Variants in ZDHHC2 observed in about 807,000 individuals in gnomAD.
ZDHHC2 encodes zDHHC palmitoyltransferase 2, also known as palmitoyltransferase ZDHHC2.
Under a neutral mutation model 55.6 loss-of-function variants are expected in ZDHHC2, and 51 were observed. That is an observed-to-expected ratio of 0.92 (90% CI 0.73 to 1.16). The LOEUF is 1.16. Among genes scored for constraint, ZDHHC2 ranks in the 50% most tolerant of loss-of-function variants. The pLI is 0.00. For missense variants in ZDHHC2, 491 were observed against 442.4 expected, an observed-to-expected ratio of 1.11 and a Z score of -0.99; for synonymous variants, 199 against 152.9, an observed-to-expected ratio of 1.30 and a Z score of -2.22.
intron 3 of ZDHHC2, among the ~76,000 whole-genome samples, chr8:17,188,220 C>G (rs970269326): frequency 3.3e-5 from 5 of 152,300 alleles, no homozygotes; most frequent in African/African-American, 1.2e-4. Flanking sequence ...GCCTGGCCTA[C>G]CTTTCCTTCC....
At chr8:17,171,409 C>T (rs1168050695) in intron 1 of ZDHHC2, among the ~76,000 whole-genome samples, 1 of 152,184 alleles carries the variant, frequency 6.6e-6, no homozygotes, top group Non-Finnish European at 1.5e-5. Flanking sequence ...TATTTATCTA[C>T]ATTGCTTAGT....
At chr8:17,202,522 G>A (rs1053899951) in intron 6 of ZDHHC2, among the ~76,000 whole-genome samples, 2 of 152,090 alleles carry the variant, frequency 1.3e-5, no homozygotes, top group Non-Finnish European at 2.9e-5. Context: ...AACATAAGAA[G>A]AATATTTTCC....
At chr8:17,184,654 A>T in intron 1 of ZDHHC2, 135 bp from the exon 2 acceptor site, 1 of 742,390 alleles carries the variant, frequency 1.3e-6, no homozygotes, top group Non-Finnish European at 2.1e-6. Context: ...CCTCCAAATA[A>T]AGTTGAATAA....
intron 2 of ZDHHC2, among the ~76,000 whole-genome samples, chr8:17,185,287 A>G (rs772211176): frequency 6.6e-6 from 1 of 152,228 alleles, no homozygotes; most frequent in Admixed American, 6.5e-5. Context: ...ATTTTATTCA[A>G]TGATATCTTA....
In ZDHHC2 at chr8:17,179,579, A is replaced by G. The variant is rs76873425; in HGVS notation, c.131-5210A>G. ...CAGTGCCACCACACCCAGCTAAAAAAAAAAGTTTATTTGTAGAGACACAGT... is the reference window on the plus strand; with the variant it reads ...CAGTGCCACCACACCCAGCTAAAAAGAAAAGTTTATTTGTAGAGACACAGT... On this transcript the variant is annotated intron_variant, in intron 1 of 12. Coordinates refer to ENST00000262096, the MANE Select transcript of ZDHHC2 (RefSeq NM_016353.5). Among the ~76,000 whole-genome samples, 475 of 152,060 alleles carry G rather than the reference A, an allele frequency of 3.1e-3. 3 individuals carry two copies. Among genetic ancestry groups the G allele is most frequent in the African/African-American group, 0.011 (436 of 41,486 alleles).
chr8:17,208,162 G>A, intron 8 of ZDHHC2, 70 bp downstream of exon 8: 9 of 1,409,730 alleles, frequency 6.4e-6, no homozygotes, highest in African/African-American at 1.5e-5. Context: ...CAGTTGCTAT[G>A]TGATTAAATG....
In ZDHHC2 at chr8:17,220,254, A is replaced by T. The variant is rs1229117674; in HGVS notation, c.*35-2A>T. On this transcript the variant is annotated splice_acceptor_variant, in intron 12 of 12. Transcript: ENST00000262096. LOFTEE classifies it low-confidence loss of function (3UTR_SPLICE). ...GTTTCATGTTTTCTGTTTCATTTCAAGGTATCAATGCTGTAGATGGATGGA... is the reference window on the plus strand; with the variant it reads ...GTTTCATGTTTTCTGTTTCATTTCATGGTATCAATGCTGTAGATGGATGGA... 6.6e-6 allele frequency: 1 copy of T among 152,206 alleles called. No homozygotes were observed. The highest frequency in any genetic ancestry group is 6.5e-5 in the Admixed American group (1 of 15,278). The allele number at this position is 152,206 out of a possible 1,614,324, so 9.4% of individuals were successfully genotyped here. A position where few individuals can be genotyped will look rare whatever the true frequency, so the allele number is the denominator to read the frequency against.
At chr8:17,209,424 C>T (rs1244134324) in intron 8 of ZDHHC2, among the ~76,000 whole-genome samples, 1 of 152,088 alleles carries the variant, frequency 6.6e-6, no homozygotes, top group East Asian at 1.9e-4. Flanking sequence ...GAATTCGAGG[C>T]TACAGTGAGC....
At chr8:17,187,171 G>T (rs1805753617) in intron 3 of ZDHHC2, among the ~76,000 whole-genome samples, 1 of 152,162 alleles carries the variant, frequency 6.6e-6, no homozygotes, top group South Asian at 2.1e-4. Flanking sequence ...GAGAAATATG[G>T]TTACTGAGAG....
At chr8:17,200,844 G>A (rs191561050) in intron 6 of ZDHHC2, among the ~76,000 whole-genome samples, 31 of 152,232 alleles carry the variant, frequency 2.0e-4, no homozygotes, top group Admixed American at 2.0e-3. Flanking sequence ...GGCAGTGTGG[G>A]AAGGTGAATG....
At position 17,186,391 on chromosome 8, in the gene ZDHHC2, C is replaced by G; in HGVS notation, c.218C>G (p.Thr73Ser). Residue 73 changes from threonine (T) to serine (S), a missense_variant, in exon 3 of 13, where the codon ACT becomes AGT. Transcript: ENST00000262096. ...ATGTTTGTCTGGTCATACTGGAAAACTATCTTTACATTACCAATGAATCCT... is the reference window on the plus strand; with the variant it reads ...ATGTTTGTCTGGTCATACTGGAAAAGTATCTTTACATTACCAATGAATCCT... ...FAMFVWSYWKTIFTLPMNPSK... is the reference protein window; with the variant it reads ...FAMFVWSYWKSIFTLPMNPSK... 6.3e-7 allele frequency: 1 copy of G among 1,584,522 alleles called. No individual in the cohort carries two copies. Among genetic ancestry groups the G allele is most frequent in the Non-Finnish European group, 8.5e-7 (1 of 1,169,706 alleles).
At chr8:17,179,185 C>T (rs1173450317) in intron 1 of ZDHHC2, among the ~76,000 whole-genome samples, 1 of 152,102 alleles carries the variant, frequency 6.6e-6, no homozygotes, top group Non-Finnish European at 1.5e-5. Flanking sequence ...CTCCTGGCCT[C>T]AAAACTATGC....
Position 17,179,161 on chromosome 8 carries a change from G to A in ZDHHC2, c.131-5628G>A, listed in dbSNP as rs551048108. Among the ~76,000 whole-genome samples the A allele has an allele frequency of 3.9e-5, 6 of 152,058 alleles. No individual in the cohort carries two copies. The South Asian group carries it at 6.2e-4, about 16-fold the overall frequency. Reference sequence around the variant, plus strand: ...GAGATGATGTTTCACTGTGTTGCCCGGGCCAATCTCAAACTCCTGGCCTCA... The same window carrying A: ...GAGATGATGTTTCACTGTGTTGCCCAGGCCAATCTCAAACTCCTGGCCTCA... On this transcript the variant is annotated intron_variant, in intron 1 of 12. Coordinates refer to ENST00000262096, the MANE Select transcript of ZDHHC2 (RefSeq NM_016353.5).
chr8:17,198,612 C>T (rs1055808117), intron 6 of ZDHHC2, among the ~76,000 whole-genome samples, 199 bp downstream of exon 6: 15 of 152,024 alleles, frequency 9.9e-5, no homozygotes, highest in Non-Finnish European at 2.1e-4. Flanking sequence ...CTTTTAAAAC[C>T]AGTAGGTTAA....
At chr8:17,191,900 G>A (rs115462424) in intron 3 of ZDHHC2, among the ~76,000 whole-genome samples, 1,781 of 152,246 alleles carry the variant, frequency 0.012, 39 homozygotes, top group African/African-American at 0.041. Flanking sequence ...CATCGTAGTA[G>A]TACTAATTTA....
chr8:17,198,006 G>A (rs1482689061), intron 5 of ZDHHC2, among the ~76,000 whole-genome samples: 3 of 152,172 alleles, frequency 2.0e-5, no homozygotes, highest in Non-Finnish European at 4.4e-5. Flanking sequence ...ATACTCCAAG[G>A]ACAGTATGAC....
chr8:17,166,848 T>G (rs1804625419), intron 1 of ZDHHC2, among the ~76,000 whole-genome samples: 1 of 152,164 alleles, frequency 6.6e-6, no homozygotes, highest in African/African-American at 2.4e-5. Context: ...TGAACCCTTG[T>G]TTTGAACTTA....
At chr8:17,201,557 A>G (rs904541534) in intron 6 of ZDHHC2, among the ~76,000 whole-genome samples, 3 of 120,738 alleles carry the variant, frequency 2.5e-5, no homozygotes, top group African/African-American at 9.8e-5. Context: ...TGGTGGTGCG[A>G]TCTTGGCTCA....
At chr8:17,177,433 G>T (rs532193094) in intron 1 of ZDHHC2, among the ~76,000 whole-genome samples, 1 of 152,316 alleles carries the variant, frequency 6.6e-6, no homozygotes, top group East Asian at 1.9e-4. Flanking sequence ...ATATTGTAAA[G>T]ATATTAAAGC....
Sources: gnomAD v4.1 joint callset for allele counts (sites outside exome capture counted in the v4.1 genomes callset) on GRCh38, gnomAD v4.1.1 for gene constraint, MANE v1.5 for transcripts, NCBI Gene and HGNC (gene_info 2026-07-23, HGNC 2026-07-21) for gene names.